OGA: variants seen among roughly 807,000 people sequenced by gnomAD.
OGA encodes protein O-GlcNAcase.
In OGA, 21 loss-of-function variants were observed where a neutral mutation model predicts 102.0. The observed-to-expected ratio is 0.21, with a 90% CI of 0.15 to 0.30. The LOEUF (loss-of-function observed/expected upper bound fraction) is 0.30, where lower values mean the gene tolerates loss of function less well. Among genes scored for constraint, OGA ranks in the 10% least tolerant of loss-of-function variants. The pLI is 1.00. For missense variants in OGA, 765 were observed against 1,107.8 expected (o/e 0.69, Z 4.39); for synonymous variants, 408 against 378.2 (o/e 1.08, Z -0.91).
intron 12 of OGA, 40 bp from the exon 13 acceptor site, chr10:101,791,479 T>C (rs1191797264): frequency 1.9e-6 from 3 of 1,540,024 alleles, no homozygotes; most frequent in Non-Finnish European, 2.7e-6. Flanking sequence ...TCAAGAAAAA[T>C]GGCAGCAGAA....
In OGA at chr10:101,817,785, G is replaced by A. The variant is rs765320393; in HGVS notation, c.199+39C>T. 262 of 1,533,574 alleles carry A rather than the reference G, an allele frequency of 1.7e-4. 1 individual carries two copies. Among genetic ancestry groups the A allele is most frequent in the Non-Finnish European group, 2.1e-4 (243 of 1,145,172 alleles). The allele number at this position is 1,533,574 out of a possible 1,614,324, so 95.0% of individuals were successfully genotyped here. A position where few individuals can be genotyped will look rare whatever the true frequency, so the allele number is the denominator to read the frequency against. ...ACCACCCTCCTCCCGAGGACAGAAC[G>A]TGTTAGTGCCAAAACGGGGAGGGAA... On this transcript the variant is annotated intron_variant, in intron 1 of 15. Coordinates refer to ENST00000361464, the MANE Select transcript of OGA (RefSeq NM_012215.5).
In OGA at chr10:101,799,273, G is replaced by T. The variant is rs2065358978; in HGVS notation, c.1378C>A (p.Pro460Thr). The T allele has an allele frequency of 6.2e-7, 1 of 1,613,994 alleles. No individual in the cohort carries two copies. Among genetic ancestry groups the T allele is most frequent in the Non-Finnish European group, 8.5e-7 (1 of 1,179,996 alleles). Residue 460 changes from proline to threonine, a missense_variant, in exon 9 of 16, where the codon CCT becomes ACT. Physicochemically the swap from Pro to Thr is conservative, Grantham distance 38. Coordinates refer to ENST00000361464, the MANE Select transcript of OGA (RefSeq NM_012215.5). Reference sequence around the variant, plus strand: ...ACCATGTCCATGGGTTCTTCATCAGGCTGTTTCTTTTCTTCTTCCTTGGTC... The same window carrying T: ...ACCATGTCCATGGGTTCTTCATCAGTCTGTTTCTTTTCTTCTTCCTTGGTC... ...TLTKEEEKKQ[P>T]DEEPMDMVVE...
At chr10:101,803,456 A>C (rs1041240750) in intron 7 of OGA, among the ~76,000 whole-genome samples, 14 of 149,966 alleles carry the variant, frequency 9.3e-5, no homozygotes, top group Non-Finnish European at 1.3e-4. Context: ...ACTAAAAAAA[A>C]AAAAAACAAA....
intron 1 of OGA, 107 bp downstream of exon 1, chr10:101,817,717 C>A: frequency 7.7e-7 from 1 of 1,297,870 alleles, no homozygotes; most frequent in Non-Finnish European, 1.0e-6. Context: ...ACATTTCAGA[C>A]CCAGAGGCTT....
intron 4 of OGA, among the ~76,000 whole-genome samples, chr10:101,809,530 A>C (rs1332852740): frequency 6.6e-6 from 1 of 151,528 alleles, no homozygotes; most frequent in East Asian, 1.9e-4. Context: ...AGCCTGGCCA[A>C]CGTGGCAAAA....
intron 5 of OGA, among the ~76,000 whole-genome samples, chr10:101,806,611 G>A (rs1443952255): frequency 6.6e-6 from 1 of 152,162 alleles, no homozygotes; most frequent in Non-Finnish European, 1.5e-5. Flanking sequence ...TCCTCCAACA[G>A]TAGTACAGAT....
chr10:101,804,826 A>G (rs2065446362), intron 6 of OGA, among the ~76,000 whole-genome samples: 1 of 151,934 alleles, frequency 6.6e-6, no homozygotes, highest in African/African-American at 2.4e-5. Context: ...CCTGGCCTCA[A>G]GCGATCCTCC....
At chr10:101,805,615 A>G (rs1455687813) in intron 6 of OGA, among the ~76,000 whole-genome samples, 2 of 143,506 alleles carry the variant, frequency 1.4e-5, no homozygotes, top group African/African-American at 5.3e-5. Context: ...AGATTGTGCC[A>G]CTGCACTCCA....
At position 101,818,219 on chromosome 10, in the gene OGA, G is replaced by T; in HGVS notation, c.-197C>A. On this transcript the variant is annotated 5_prime_UTR_variant, in exon 1 of 16. Coordinates refer to ENST00000361464, the MANE Select transcript of OGA (RefSeq NM_012215.5). ...ATGAGAAGGGCGGCGGCACCGGCGC[G>T]AGCCCTTTGTCAGCCGCAGCCTCGG... The T allele has an allele frequency of 7.4e-7, 1 of 1,344,084 alleles. No homozygotes were observed. Among genetic ancestry groups the T allele is most frequent in the African/African-American group, 1.5e-5 (1 of 65,248 alleles). 83.3% of individuals were successfully genotyped at this position (1,344,084 alleles called of 1,614,324 possible).
chr10:101,787,402 C>T lies in OGA; in HGVS notation c.2576G>A (p.Ser859Asn). 1 of 1,614,000 alleles carries T rather than the reference C, an allele frequency of 6.2e-7. No individual in the cohort carries two copies. The highest frequency in any genetic ancestry group is 8.5e-7 in the Non-Finnish European group (1 of 1,179,870). ...TGAAGACAGGAGGCAAGCCATCATG[C>T]TTTTGGCCACACTTGGGTCAGTTAC... ...KKVTDPSVAK[S>N]MMACLLSSLK... Residue 859 changes from serine (S) to asparagine (N), a missense_variant, in exon 15 of 16, where the codon AGC becomes AAC. Ser to Asn is a conservative substitution (Grantham distance 46). Coordinates refer to ENST00000361464, the MANE Select transcript of OGA (RefSeq NM_012215.5).
intron 3 of OGA, among the ~76,000 whole-genome samples, chr10:101,812,107 T>C (rs1389560637): frequency 1.3e-5 from 2 of 152,244 alleles, no homozygotes; most frequent in African/African-American, 4.8e-5. Flanking sequence ...TTGTTAGCTA[T>C]ATGCGTATAC....
chr10:101,809,457 T>C (rs1166625063), intron 4 of OGA, among the ~76,000 whole-genome samples: 1 of 152,182 alleles, frequency 6.6e-6, no homozygotes, highest in Non-Finnish European at 1.5e-5. Context: ...GGCGCACGAC[T>C]GTAATCCCGG....
chr10:101,810,896 G>A (rs2065545495), intron 3 of OGA, among the ~76,000 whole-genome samples: 2 of 152,030 alleles, frequency 1.3e-5, no homozygotes, highest in African/African-American at 2.4e-5. Context: ...TTGCCATATT[G>A]CCCAGGCTGG....
At chr10:101,815,397 G>A (rs1179925141) in intron 1 of OGA, among the ~76,000 whole-genome samples, 2 of 151,864 alleles carry the variant, frequency 1.3e-5, no homozygotes, top group Admixed American at 6.6e-5. Context: ...CGATTCTCCT[G>A]TCTCAGCCTC....
chr10:101,797,741 C>T, intron 10 of OGA: 1 of 592,120 alleles, frequency 1.7e-6, no homozygotes, highest in African/African-American at 1.9e-5. Flanking sequence ...TACTTTCTAA[C>T]ATACTTTTAA....
chr10:101,814,328 AAAC>A lies in OGA; in HGVS notation c.200-725_200-723del, dbSNP rs1213750301. On this transcript the variant is annotated intron_variant, in intron 1 of 15. Coordinates refer to ENST00000361464, the MANE Select transcript of OGA (RefSeq NM_012215.5). The stretch of plus-strand genomic sequence containing the variant: ...GGGCTACAGAGCAAGACTCCATCTC[AAAC>A]AACAACAACAAAAGGGTGAGGGGAG... Among the ~76,000 whole-genome samples, 10 of 151,540 alleles carry A rather than the reference AAAC, an allele frequency of 6.6e-5. No homozygotes were observed. In the East Asian group the frequency reaches 9.7e-4, roughly 15 times the overall value.
intron 7 of OGA, among the ~76,000 whole-genome samples, chr10:101,803,084 C>T (rs1345448169): frequency 2.1e-5 from 3 of 140,992 alleles, no homozygotes; most frequent in Non-Finnish European, 4.6e-5. Context: ...GAGGTTGCAG[C>T]GAGCTGAGAT....
At chr10:101,812,619 T>A (rs1175135427) in intron 3 of OGA, among the ~76,000 whole-genome samples, 2 of 152,208 alleles carry the variant, frequency 1.3e-5, no homozygotes, top group African/African-American at 2.4e-5. Flanking sequence ...TTTGGTTTTT[T>A]AAAAAAATTG....
At chr10:101,798,225 T>C (rs2065342150) in intron 9 of OGA, 71 bp from the exon 10 acceptor site, 4 of 1,431,856 alleles carry the variant, frequency 2.8e-6, no homozygotes, top group Non-Finnish European at 9.6e-7. Context: ...CAGTTACACA[T>C]TAAGCTGCTT....
Sources: gnomAD v4.1 joint callset for allele counts (sites outside exome capture counted in the v4.1 genomes callset) on GRCh38, gnomAD v4.1.1 for gene constraint, MANE v1.5 for transcripts, NCBI Gene and HGNC (gene_info 2026-07-23, HGNC 2026-07-21) for gene names.